LRRC37A: variants seen among roughly 807,000 people sequenced by gnomAD.
The protein encoded by LRRC37A is leucine-rich repeat-containing protein 37A.
A neutral mutation model predicts 35.4 loss-of-function variants in LRRC37A; 3 were observed. The ratio of observed to expected loss-of-function variants is 0.08; its 90% CI spans 0.04 to 0.22. The LOEUF (loss-of-function observed/expected upper bound fraction) is 0.22, where lower values mean the gene tolerates loss of function less well. LRRC37A is among the 10% of genes least tolerant of loss of function. The probability of loss-of-function intolerance (pLI) is 1.00; values close to 1 mark genes in which losing one functional copy is unlikely to be tolerated. For missense variants in LRRC37A, 67 were observed against 565.3 expected (o/e 0.12, Z 8.94); for synonymous variants, 23 against 215.0 (o/e 0.11, Z 7.81).
chr17:46,272,841 A>T, the LRRC37A span, among the ~76,000 whole-genome samples: 2 of 152,262 alleles, frequency 1.3e-5, no homozygotes, highest in Non-Finnish European at 2.9e-5. Context: ...CATTAAATAC[A>T]CATGAAATTA....
the LRRC37A span, among the ~76,000 whole-genome samples, chr17:46,262,051 G>A: frequency 6.6e-6 from 1 of 152,178 alleles, no homozygotes; most frequent in Admixed American, 6.5e-5. Flanking sequence ...CCGAGTTTAA[G>A]CAATTCTCCT....
chr17:46,259,822 C>A, the LRRC37A span: 2 of 1,559,772 alleles, frequency 1.3e-6, no homozygotes, highest in African/African-American at 1.4e-5. Context: ...CATTCGTTGG[C>A]ACAGCAACTG....
At chr17:46,264,330 C>G in the LRRC37A span, among the ~76,000 whole-genome samples, 1 of 152,196 alleles carries the variant, frequency 6.6e-6, no homozygotes, top group African/African-American at 2.4e-5. Context: ...GAAACATACA[C>G]TCAAAATACC....
At chr17:46,250,967 A>C in the LRRC37A span, among the ~76,000 whole-genome samples, 1 of 151,822 alleles carries the variant, frequency 6.6e-6, no homozygotes, top group Non-Finnish European at 1.5e-5. Context: ...TCTGTTGCCA[A>C]GGCTGGATTG....
At chr17:46,254,195 G>C in the LRRC37A span, among the ~76,000 whole-genome samples, 7 of 152,082 alleles carry the variant, frequency 4.6e-5, no homozygotes, top group Non-Finnish European at 8.8e-5. Context: ...GCTAGAATGA[G>C]TCCAGGAACC....
At chr17:46,282,048 G>A in the LRRC37A span, among the ~76,000 whole-genome samples, 1 of 151,946 alleles carries the variant, frequency 6.6e-6, no homozygotes, top group Non-Finnish European at 1.5e-5. Context: ...TAATTCCTTT[G>A]CTGAGAATAA....
the LRRC37A span, among the ~76,000 whole-genome samples, chr17:46,279,749 C>G: frequency 6.6e-6 from 1 of 152,252 alleles, no homozygotes; most frequent in Non-Finnish European, 1.5e-5. Flanking sequence ...CCTGCCTCAG[C>G]CTCTCAATGT....
upstream of LRRC37A, among the ~76,000 whole-genome samples, chr17:46,290,573 G>C (rs2668650): frequency 1.3e-5 from 2 of 151,938 alleles, no homozygotes; most frequent in South Asian, 4.2e-4. Context: ...CAGCCTCCCA[G>C]GCAGCTGGGA....
At chr17:46,251,684 CTA>C in the LRRC37A span, among the ~76,000 whole-genome samples, 1 of 151,046 alleles carries the variant, frequency 6.6e-6, no homozygotes, top group South Asian at 2.1e-4. Flanking sequence ...TATGACGACA[CTA>C]TTGATAGGCC....
chr17:46,288,685 C>A (rs1159916445), upstream of LRRC37A, among the ~76,000 whole-genome samples: 2 of 150,816 alleles, frequency 1.3e-5, no homozygotes, highest in Non-Finnish European at 2.9e-5. Context: ...TGGTCGGCTT[C>A]TTTACTGCAT....
chr17:46,284,468 C>T, the LRRC37A span, among the ~76,000 whole-genome samples: 1 of 152,254 alleles, frequency 6.6e-6, no homozygotes, highest in African/African-American at 2.4e-5. Flanking sequence ...TATAAATTAA[C>T]AGCATCTCAA....
chr17:46,250,146 G>T, the LRRC37A span, among the ~76,000 whole-genome samples: 1 of 152,172 alleles, frequency 6.6e-6, no homozygotes, highest in Non-Finnish European at 1.5e-5. Flanking sequence ...GGCCAGGTTG[G>T]TCTCAAACTC....
chr17:46,283,966 A>G, the LRRC37A span, among the ~76,000 whole-genome samples: 1 of 152,382 alleles, frequency 6.6e-6, no homozygotes, highest in East Asian at 1.9e-4. Flanking sequence ...CTTACAAAGC[A>G]GTATGGCTGC....
chr17:46,270,390 G>C, the LRRC37A span, among the ~76,000 whole-genome samples: 1 of 152,216 alleles, frequency 6.6e-6, no homozygotes, highest in Non-Finnish European at 1.5e-5. Context: ...GGTTCTGAGT[G>C]TTCTATGGTA....
the LRRC37A span, chr17:46,267,372 G>T: frequency 9.2e-7 from 1 of 1,086,892 alleles, no homozygotes; most frequent in South Asian, 1.3e-5. Context: ...CGGGCATCTG[G>T]CTGGTGACCC....
At chr17:46,281,112 T>C in the LRRC37A span, among the ~76,000 whole-genome samples, 1 of 151,866 alleles carries the variant, frequency 6.6e-6, no homozygotes, top group Non-Finnish European at 1.5e-5. Flanking sequence ...GTCTGTTTTA[T>C]CTAAAAGTTT....
chr17:46,261,206 T>C, the LRRC37A span, among the ~76,000 whole-genome samples: 1 of 152,202 alleles, frequency 6.6e-6, no homozygotes, highest in Non-Finnish European at 1.5e-5. Flanking sequence ...CAATATCCTA[T>C]GGAAATAAAA....
At chr17:46,266,556 G>C in the LRRC37A span, among the ~76,000 whole-genome samples, 2 of 152,204 alleles carry the variant, frequency 1.3e-5, no homozygotes, top group African/African-American at 4.8e-5. Flanking sequence ...GTGTGGAGAA[G>C]GGGTTAGAGG....
At chr17:46,266,296 C>T in the LRRC37A span, among the ~76,000 whole-genome samples, 3 of 152,152 alleles carry the variant, frequency 2.0e-5, no homozygotes, top group African/African-American at 4.8e-5. Flanking sequence ...CACTTGTCAC[C>T]CCACCCTCTG....
Sources: gnomAD v4.1 joint callset for allele counts (sites outside exome capture counted in the v4.1 genomes callset) on GRCh38, gnomAD v4.1.1 for gene constraint, MANE v1.5 for transcripts, NCBI Gene and HGNC (gene_info 2026-07-23, HGNC 2026-07-21) for gene names.